PARPBP: variants seen among roughly 807,000 people sequenced by gnomAD.
PARPBP encodes PARP1 binding protein.
In PARPBP, 52 loss-of-function variants were observed where a neutral mutation model predicts 50.0. That is an observed-to-expected ratio of 1.04 (90% CI 0.83 to 1.31). PARPBP has a LOEUF of 1.31. Ranked by LOEUF, PARPBP falls within the 50% of genes most tolerant of loss-of-function variation. The pLI is 0.00. For synonymous variants in PARPBP, 244 were observed against 232.1 expected (o/e 1.05, Z -0.47); for missense variants, 697 against 672.0 (o/e 1.04, Z -0.41).
At chr12:102,142,106 G>A (rs1038034219) in intron 2 of PARPBP, among the ~76,000 whole-genome samples, 2 of 152,118 alleles carry the variant, frequency 1.3e-5, no homozygotes, top group African/African-American at 4.8e-5. Context: ...CATTCTCCCC[G>A]TCACTTTCAG....
In PARPBP at chr12:102,195,360, G is replaced by T; in HGVS notation, c.1312G>T (p.Asp438Tyr). 1 of 1,585,540 alleles carries T rather than the reference G, an allele frequency of 6.3e-7. No homozygotes were observed. The highest frequency in any genetic ancestry group is 1.1e-5 in the South Asian group (1 of 88,852). Reference protein sequence around the residue: ...RSQFACTYKDDYMISKDNWNN... With the variant: ...RSQFACTYKDYYMISKDNWNN... ...CCAATTTGCTTGTACTTATAAAGAT[G>T]ACTACATGATAAGCAAGGATAATTG... The change falls in exon 10 of 11, where the codon GAC (aspartate) becomes TAC (tyrosine). Residue 438 changes from aspartate to tyrosine, a missense_variant. Physicochemically the swap from Asp to Tyr is radical, Grantham distance 160 (BLOSUM62 -3). Transcript: ENST00000327680.
chr12:102,132,683 C>G (rs528894229), intron 2 of PARPBP, among the ~76,000 whole-genome samples: 1 of 152,118 alleles, frequency 6.6e-6, no homozygotes, highest in South Asian at 2.1e-4. Flanking sequence ...TTTTCTATTT[C>G]TGTCAAAAAT....
intron 9 of PARPBP, among the ~76,000 whole-genome samples, 174 bp from the exon 10 acceptor site, chr12:102,195,138 T>C (rs2137582685): frequency 6.6e-6 from 1 of 151,682 alleles, no homozygotes; most frequent in African/African-American, 2.4e-5. Flanking sequence ...GCCATAACAA[T>C]GAATGAGTTT....
chr12:102,155,601 G>T (rs545504008), intron 4 of PARPBP, among the ~76,000 whole-genome samples: 23 of 123,680 alleles, frequency 1.9e-4, no homozygotes, highest in East Asian at 1.2e-3. Context: ...TGGTGGGGGG[G>T]GGGGGCGGGG....
chr12:102,185,107 G>T (rs1410706817), intron 9 of PARPBP, among the ~76,000 whole-genome samples: 1 of 152,068 alleles, frequency 6.6e-6, no homozygotes, highest in Non-Finnish European at 1.5e-5. Context: ...ATGCTCCTGC[G>T]ATCACAAAAG....
chr12:102,150,078 T>C (rs1405636791), intron 3 of PARPBP, among the ~76,000 whole-genome samples: 1 of 152,180 alleles, frequency 6.6e-6, no homozygotes, highest in Non-Finnish European at 1.5e-5. Flanking sequence ...TGGGTTAAGT[T>C]ATAGTATGAT....
At chr12:102,126,259 C>G (rs1881974739) in intron 2 of PARPBP, among the ~76,000 whole-genome samples, 1 of 152,044 alleles carries the variant, frequency 6.6e-6, no homozygotes, top group Non-Finnish European at 1.5e-5. Flanking sequence ...TTCTAGAGTG[C>G]CAGGGAGTAG....
chr12:102,146,039 C>T (rs1885296939), intron 2 of PARPBP, among the ~76,000 whole-genome samples: 1 of 152,114 alleles, frequency 6.6e-6, no homozygotes, highest in African/African-American at 2.4e-5. Flanking sequence ...AGGAGAACTA[C>T]AAACCACTGC....
intron 3 of PARPBP, 140 bp from the exon 4 acceptor site, chr12:102,153,729 A>G: frequency 1.8e-6 from 1 of 569,308 alleles, no homozygotes. Context: ...AAGTTTAATT[A>G]TATGTATTCT....
intron 4 of PARPBP, among the ~76,000 whole-genome samples, chr12:102,158,246 A>G (rs940699865): frequency 3.3e-5 from 5 of 152,054 alleles, no homozygotes; most frequent in Non-Finnish European, 1.5e-5. Flanking sequence ...TTCTCTAAAA[A>G]TCTCAGGGTA....
rs1315101774 is a variant in PARPBP, at chr12:102,160,876, A to G, written c.496-3562A>G. 6.6e-5 allele frequency among the ~76,000 whole-genome samples: 10 copies of G among 152,104 alleles called. No homozygotes were observed. In the East Asian group the frequency reaches 9.7e-4, roughly 15 times the overall value. On this transcript the variant is annotated intron_variant, in intron 4 of 10. Coordinates refer to ENST00000327680, the MANE Select transcript of PARPBP (RefSeq NM_017915.5). Reference sequence around the variant, plus strand: ...GGCAGGAGAATCACTTGAACTTGGGAGGCTGAGGTTGTGGTGAGCCGAGAT... The same window carrying G: ...GGCAGGAGAATCACTTGAACTTGGGGGGCTGAGGTTGTGGTGAGCCGAGAT...
rs1194552092 is a variant in PARPBP at position 102,124,046 on chromosome 12, G to A, written c.153+5G>A. 2 of 1,531,542 alleles carry A rather than the reference G, an allele frequency of 1.3e-6. No individual in the cohort carries two copies. The highest frequency in any genetic ancestry group is 3.9e-5 in the Admixed American group (2 of 50,780). 94.9% of individuals were successfully genotyped at this position (1,531,542 alleles called of 1,614,324 possible). A position where few individuals can be genotyped will look rare whatever the true frequency, so the allele number is the denominator to read the frequency against. On this transcript the variant is annotated splice_donor_5th_base_variant and intron_variant, in intron 2 of 10. Transcript: ENST00000327680. ...ATGGCGGAGAACAACAAACAGGTTG[G>A]TAAACTATATTTGGGTTAACTTGTT...
intron 1 of PARPBP, among the ~76,000 whole-genome samples, chr12:102,121,864 A>G (rs570857587): frequency 6.6e-6 from 1 of 152,264 alleles, no homozygotes; most frequent in African/African-American, 2.4e-5. Context: ...AACTCAAAAC[A>G]ACTTAGAAAC....
At chr12:102,150,490 A>G (rs1886044947) in intron 3 of PARPBP, 23 of 335,326 alleles carry the variant, frequency 6.9e-5, no homozygotes, top group South Asian at 4.4e-4. Flanking sequence ...ATTATGAGGA[A>G]TTAAGATAAA....
intron 9 of PARPBP, among the ~76,000 whole-genome samples, chr12:102,191,337 A>G (rs1890776960): frequency 2.0e-5 from 3 of 152,214 alleles, no homozygotes; most frequent in Non-Finnish European, 4.4e-5. Flanking sequence ...ATGGAATTTC[A>G]CTGATGAAGA....
intron 2 of PARPBP, among the ~76,000 whole-genome samples, chr12:102,146,571 A>G (rs973838470): frequency 3.3e-5 from 5 of 152,214 alleles, no homozygotes; most frequent in Non-Finnish European, 2.9e-5. Context: ...TTAATTCTAG[A>G]TGGATTAAAG....
In PARPBP at chr12:102,178,671, A is replaced by C; in HGVS notation, c.1085A>C (p.Glu362Ala). The stretch of plus-strand genomic sequence containing the variant: ...AAAGCCTTATTAGTTCTTTTGGACG[A>C]AGAAGCAGCTAATGCTCCTACCAAA... ...TVKALLVLLD[E>A]EAANAPTKNK... The change falls in exon 8 of 11, where the codon GAA becomes GCA. Residue 362 changes from glutamate to alanine, a missense_variant. Glu to Ala is a moderately radical substitution (Grantham distance 107). Transcript: ENST00000327680. 1 of 1,613,514 alleles carries C rather than the reference A, an allele frequency of 6.2e-7. No homozygotes were observed. Among genetic ancestry groups the C allele is most frequent in the Non-Finnish European group, 8.5e-7 (1 of 1,179,512 alleles).
At chr12:102,182,368 T>C (rs1043798826) in intron 8 of PARPBP, among the ~76,000 whole-genome samples, 181 bp from the exon 9 acceptor site, 4 of 152,192 alleles carry the variant, frequency 2.6e-5, no homozygotes, top group African/African-American at 9.7e-5. Context: ...ATTGGGTGTA[T>C]TAAATGCATT....
chr12:102,152,925 C>T (rs898168761), intron 3 of PARPBP, among the ~76,000 whole-genome samples: 1 of 88,982 alleles, frequency 1.1e-5, no homozygotes, highest in South Asian at 3.2e-4. Flanking sequence ...AGTAGAAGAA[C>T]AGTAAAACAA....
Sources: gnomAD v4.1 joint callset for allele counts (sites outside exome capture counted in the v4.1 genomes callset) on GRCh38, gnomAD v4.1.1 for gene constraint, MANE v1.5 for transcripts, NCBI Gene and HGNC (gene_info 2026-07-23, HGNC 2026-07-21) for gene names.